The following TTC28 variants were observed in gnomAD, a reference collection of about 807,000 sequenced individuals.
TTC28 encodes tetratricopeptide repeat domain 28.
TTC28 carries 61 observed loss-of-function variants against 198.0 expected under a neutral mutation model. That is an observed-to-expected ratio of 0.31 (90% confidence interval 0.25 to 0.38). The LOEUF (loss-of-function observed/expected upper bound fraction) is 0.38. TTC28 is among the 10% of genes least tolerant of loss of function. The probability of loss-of-function intolerance (pLI) is 1.00; values close to 1 mark genes in which losing one functional copy is unlikely to be tolerated. For synonymous variants in TTC28, 1,171 were observed against 1,297.8 expected, an observed-to-expected ratio of 0.90 and a Z score of 2.10; for missense variants, 2,678 against 3,164.0, an observed-to-expected ratio of 0.85 and a Z score of 3.69.
intron 15 of TTC28, 145 bp downstream of exon 15, chr22:28,001,229 C>T (rs1937673839): frequency 1.8e-6 from 2 of 1,091,204 alleles, no homozygotes; most frequent in South Asian, 1.7e-5. Context: ...TCTAAAGTCA[C>T]GCTACCTGCG....
At chr22:28,220,969 T>C (rs950372162) in intron 5 of TTC28, among the ~76,000 whole-genome samples, 18 of 152,010 alleles carry the variant, frequency 1.2e-4, no homozygotes, top group African/African-American at 2.7e-4. Context: ...TCTATATCCA[T>C]AGGGAGGCAA....
At chr22:28,626,215 T>C (rs907223133) in intron 2 of TTC28, among the ~76,000 whole-genome samples, 10 of 152,148 alleles carry the variant, frequency 6.6e-5, no homozygotes, top group South Asian at 4.1e-4. Context: ...ACTGAACTCA[T>C]TGCTTTTGTG....
chr22:28,048,607 C>G (rs1446019706), intron 12 of TTC28, among the ~76,000 whole-genome samples: 1 of 152,160 alleles, frequency 6.6e-6, no homozygotes, highest in South Asian at 2.1e-4. Flanking sequence ...ACTAGCACAT[C>G]GATTAGGCCT....
At chr22:28,247,576 G>A (rs975260936) in intron 5 of TTC28, among the ~76,000 whole-genome samples, 1 of 152,124 alleles carries the variant, frequency 6.6e-6, no homozygotes, top group Non-Finnish European at 1.5e-5. Flanking sequence ...TATAACAGAC[G>A]ACATCTCACC....
intron 6 of TTC28, among the ~76,000 whole-genome samples, chr22:28,125,051 CTGAG>C (rs1471059708): frequency 6.6e-6 from 1 of 152,178 alleles, no homozygotes; most frequent in Non-Finnish European, 1.5e-5. Flanking sequence ...ATAATGATGA[CTGAG>C]TGTTACATAT....
intron 6 of TTC28, among the ~76,000 whole-genome samples, chr22:28,147,383 T>C (rs73880398): frequency 0.011 from 1,697 of 152,292 alleles, 28 homozygotes; most frequent in African/African-American, 0.039. Context: ...GTATGTGTGC[T>C]TAAGTACAGC....
At chr22:28,081,492 G>GA (rs1289666223) in intron 12 of TTC28, among the ~76,000 whole-genome samples, 2 of 145,508 alleles carry the variant, frequency 1.4e-5, no homozygotes, top group Admixed American at 7.1e-5. Flanking sequence ...ATGCCACCAG[G>GA]ATTTTTTTTT....
In TTC28 at chr22:28,013,488, G is replaced by A. The variant is rs570239068; in HGVS notation, c.4218+760C>T. Among the ~76,000 whole-genome samples, 23 of 152,334 alleles carry A rather than the reference G, an allele frequency of 1.5e-4. No individual in the cohort carries two copies. In the East Asian group the frequency reaches 3.9e-3, roughly 26 times the overall value. Reference sequence around the variant, plus strand: ...TACACACCACAGAAAACCTGTCTGTGGCAGATTATGCAAGGGTGTCTTTAA... The same window carrying A: ...TACACACCACAGAAAACCTGTCTGTAGCAGATTATGCAAGGGTGTCTTTAA... On this transcript the variant is annotated intron_variant, in intron 14 of 22. Coordinates refer to ENST00000397906, the MANE Select transcript of TTC28 (RefSeq NM_001145418.2).
intron 2 of TTC28, among the ~76,000 whole-genome samples, chr22:28,361,877 C>T (rs1213015003): frequency 6.6e-6 from 1 of 152,190 alleles, no homozygotes; most frequent in Non-Finnish European, 1.5e-5. Context: ...CTATGCCCTA[C>T]AAATGAAACA....
chr22:28,328,570 C>T (rs992632205), intron 2 of TTC28, among the ~76,000 whole-genome samples: 1 of 151,406 alleles, frequency 6.6e-6, no homozygotes, highest in African/African-American at 2.4e-5. Context: ...CCTGGCCAAC[C>T]CGGTGAAACC....
chr22:28,652,709 T>G (rs1293542861), intron 1 of TTC28, among the ~76,000 whole-genome samples: 6 of 152,184 alleles, frequency 3.9e-5, no homozygotes, highest in Non-Finnish European at 8.8e-5. Flanking sequence ...ACAACAAATA[T>G]TTCTTCAAAA....
Position 28,679,766 on chromosome 22 carries a change from C to G in TTC28, c.-43G>C. The G allele has an allele frequency of 4.8e-6, 4 of 839,488 alleles. No homozygotes were observed. The highest frequency in any genetic ancestry group is 6.2e-6 in the Non-Finnish European group (4 of 648,116). The allele number at this position is 839,488 out of a possible 1,614,324, so 52.0% of individuals were successfully genotyped here. ...CGCGTCCGCCTCGAGCTAACGGTCC[C>G]GCCAGCTAGGCGCGCGCGCCGGTTC... On this transcript the variant is annotated 5_prime_UTR_variant, in exon 1 of 23. Coordinates refer to ENST00000397906, the MANE Select transcript of TTC28 (RefSeq NM_001145418.2).
chr22:28,146,697 T>A (rs981057088), intron 6 of TTC28, among the ~76,000 whole-genome samples: 1 of 152,226 alleles, frequency 6.6e-6, no homozygotes, highest in Non-Finnish European at 1.5e-5. Flanking sequence ...CGGGATTAGA[T>A]AATGGATTGG....
intron 14 of TTC28, among the ~76,000 whole-genome samples, chr22:28,004,113 A>C (rs981842404): frequency 3.3e-5 from 5 of 152,216 alleles, no homozygotes; most frequent in Non-Finnish European, 5.9e-5. Flanking sequence ...GGGAAAGCCT[A>C]CCCAGGCTGA....
At chr22:28,587,074 T>G (rs1468359164) in intron 2 of TTC28, among the ~76,000 whole-genome samples, 1 of 151,992 alleles carries the variant, frequency 6.6e-6, no homozygotes, top group East Asian at 1.9e-4. Flanking sequence ...ATACAAAAAT[T>G]AGCCGGGTAT....
intron 2 of TTC28, among the ~76,000 whole-genome samples, chr22:28,542,481 A>G (rs2049435876): frequency 6.6e-6 from 1 of 152,200 alleles, no homozygotes; most frequent in Admixed American, 6.5e-5. Context: ...GATAATCATG[A>G]TAATTGTTAC....
chr22:28,357,253 C>G (rs1430798153), intron 2 of TTC28, among the ~76,000 whole-genome samples: 13 of 151,766 alleles, frequency 8.6e-5, no homozygotes. Flanking sequence ...GTATAGTGAC[C>G]ATTTCTCTAC....
Position 28,108,701 on chromosome 22 carries a change from T to G in TTC28, c.1442-298A>C, listed in dbSNP as rs557066844. Reference sequence around the variant, plus strand: ...TACTGGAAAATATATTAAACATAAATGAAAAAGTTCAATAGCCATTGCGTA... The same window carrying G: ...TACTGGAAAATATATTAAACATAAAGGAAAAAGTTCAATAGCCATTGCGTA... On this transcript the variant is annotated intron_variant, in intron 6 of 22. Coordinates refer to ENST00000397906, the MANE Select transcript of TTC28 (RefSeq NM_001145418.2). 5.9e-5 allele frequency among the ~76,000 whole-genome samples: 9 copies of G among 152,282 alleles called. No homozygotes were observed. In the East Asian group the frequency reaches 1.5e-3, roughly 26 times the overall value.
At chr22:28,258,733 T>C (rs1483408888) in intron 5 of TTC28, among the ~76,000 whole-genome samples, 1 of 152,040 alleles carries the variant, frequency 6.6e-6, no homozygotes, top group African/African-American at 2.4e-5. Context: ...ATGAAATAAA[T>C]GCAATTTAGA....
Sources: gnomAD v4.1 joint callset for allele counts (sites outside exome capture counted in the v4.1 genomes callset) on GRCh38, gnomAD v4.1.1 for gene constraint, MANE v1.5 for transcripts, NCBI Gene and HGNC (gene_info 2026-07-23, HGNC 2026-07-21) for gene names.